The following BACE2 variants were observed in gnomAD, a reference collection of about 807,000 sequenced individuals.
The protein encoded by BACE2 is 56 kDa aspartic-like protease.
In BACE2, 17 loss-of-function variants were observed where a neutral mutation model predicts 46.2. The ratio of observed to expected loss-of-function variants is 0.37; its 90% confidence interval spans 0.25 to 0.55. The LOEUF is 0.55. Ranked by LOEUF, BACE2 falls within the 20% of genes least tolerant of loss-of-function variation. The pLI is 0.82. For synonymous variants in BACE2, 277 were observed against 295.9 expected, an observed-to-expected ratio of 0.94 and a Z score of 0.66; for missense variants, 595 against 698.1, an observed-to-expected ratio of 0.85 and a Z score of 1.66.
At chr21:41,266,927 T>C (rs1271645990) in intron 8 of BACE2, among the ~76,000 whole-genome samples, 1 of 149,572 alleles carries the variant, frequency 6.7e-6, no homozygotes, top group African/African-American at 2.5e-5. Flanking sequence ...CTTTGGAAGC[T>C]GCCCTTCTCT....
intron 3 of BACE2, among the ~76,000 whole-genome samples, chr21:41,240,569 A>C (rs556329694): frequency 4.6e-5 from 7 of 152,330 alleles, no homozygotes; most frequent in Non-Finnish European, 1.0e-4. Context: ...TCGGCTGGCA[A>C]GTGGCAGAGC....
At chr21:41,186,149 G>A (rs1046005354) in intron 1 of BACE2, 1 of 152,216 alleles carries the variant, frequency 6.6e-6, no homozygotes, top group South Asian at 2.1e-4. Flanking sequence ...AGGGTGCAAA[G>A]GGGACTCTCA....
intron 8 of BACE2, among the ~76,000 whole-genome samples, chr21:41,264,388 G>T (rs1042529442): frequency 3.3e-5 from 5 of 152,100 alleles, no homozygotes; most frequent in African/African-American, 1.2e-4. Context: ...TTCAAGACCA[G>T]CCTGGGCAAC....
At chr21:41,266,703 A>G (rs1160411032) in intron 8 of BACE2, among the ~76,000 whole-genome samples, 1 of 152,066 alleles carries the variant, frequency 6.6e-6, no homozygotes, top group Non-Finnish European at 1.5e-5. Context: ...AGGCATCTTG[A>G]CCCCAGTGCC....
chr21:41,214,357 C>G (rs1020211052), intron 1 of BACE2, among the ~76,000 whole-genome samples: 1 of 152,206 alleles, frequency 6.6e-6, no homozygotes, highest in African/African-American at 2.4e-5. Context: ...CAGGACATGT[C>G]TAGTTCCTAC....
chr21:41,180,984 C>T (rs1985101197), intron 1 of BACE2: 1 of 167,104 alleles, frequency 6.0e-6, no homozygotes, highest in African/African-American at 2.4e-5. Flanking sequence ...AGTTCTTTAG[C>T]GTTAACTCAT....
intron 1 of BACE2, among the ~76,000 whole-genome samples, chr21:41,202,384 G>A (rs1365019523): frequency 6.6e-6 from 1 of 152,196 alleles, no homozygotes; most frequent in Non-Finnish European, 1.5e-5. Flanking sequence ...GATGCCATGG[G>A]TCCTAGGCAG....
chr21:41,251,358 C>A (rs1035269888), intron 7 of BACE2, among the ~76,000 whole-genome samples: 2 of 152,162 alleles, frequency 1.3e-5, no homozygotes, highest in Non-Finnish European at 2.9e-5. Context: ...GCCCAGATTC[C>A]GAGGATGAGG....
intron 1 of BACE2, among the ~76,000 whole-genome samples, chr21:41,206,774 G>C (rs1986139693): frequency 6.6e-6 from 1 of 152,176 alleles, no homozygotes; most frequent in Non-Finnish European, 1.5e-5. Context: ...AAAGAACTAA[G>C]ATGGTAAATT....
At chr21:41,210,370 G>C (rs891243911) in intron 1 of BACE2, among the ~76,000 whole-genome samples, 2 of 152,088 alleles carry the variant, frequency 1.3e-5, no homozygotes, top group Non-Finnish European at 2.9e-5. Flanking sequence ...CAGTACTAAT[G>C]TTAAAATAGA....
intron 2 of BACE2, among the ~76,000 whole-genome samples, chr21:41,227,312 A>C (rs890928013): frequency 6.6e-6 from 1 of 152,172 alleles, no homozygotes; most frequent in South Asian, 2.1e-4. Flanking sequence ...CGGAACTGTC[A>C]CATTAGGTTT....
At chr21:41,222,291 G>A (rs996859332) in intron 1 of BACE2, among the ~76,000 whole-genome samples, 4 of 152,248 alleles carry the variant, frequency 2.6e-5, no homozygotes, top group Admixed American at 2.0e-4. Flanking sequence ...GGTGTTATGG[G>A]AGGGAAAGGG....
rs1416077050 is a variant in BACE2 at position 41,168,285 on chromosome 21, C to A, written c.22C>A (p.Leu8Met). ...GGGCATGGGCGCACTGGCCCGGGCG[C>A]TGCTGCTGCCTCTGCTGGCCCAGTG... Reference protein sequence around the residue: MGALARALLLPLLAQWLL... With the variant: MGALARAMLLPLLAQWLL... Residue 8 changes from leucine to methionine, a missense_variant, in exon 1 of 9, where the codon CTG (leucine) becomes ATG (methionine). Leu to Met is a conservative substitution (Grantham distance 15). Coordinates refer to ENST00000330333, the MANE Select transcript of BACE2 (RefSeq NM_012105.5). 14 of 1,257,638 alleles carry A rather than the reference C, an allele frequency of 1.1e-5. No individual in the cohort carries two copies. Among genetic ancestry groups the A allele is most frequent in the South Asian group, 2.7e-5 (1 of 37,010 alleles). 77.9% of individuals were successfully genotyped at this position (1,257,638 alleles called of 1,614,324 possible). A position where few individuals can be genotyped will look rare whatever the true frequency, so the allele number is the denominator to read the frequency against.
chr21:41,241,986 G>A, intron 4 of BACE2, 39 bp downstream of exon 4: 1 of 1,610,336 alleles, frequency 6.2e-7, no homozygotes, highest in Non-Finnish European at 8.5e-7. Context: ...AAAAATCACA[G>A]ATGGATGGGC....
chr21:41,231,442 C>T (rs1016737420), intron 2 of BACE2, among the ~76,000 whole-genome samples: 1 of 152,182 alleles, frequency 6.6e-6, no homozygotes, highest in African/African-American at 2.4e-5. Context: ...TTAGGAGACT[C>T]AGCATTCCCT....
chr21:41,258,901 T>C (rs761102361), intron 8 of BACE2, among the ~76,000 whole-genome samples: 44 of 152,358 alleles, frequency 2.9e-4, no homozygotes, highest in Non-Finnish European at 5.3e-4. Context: ...TGTTCAGTTA[T>C]CATTGAGTGA....
chr21:41,272,774 T>C (rs905457571), intron 8 of BACE2, among the ~76,000 whole-genome samples: 13 of 152,284 alleles, frequency 8.5e-5, no homozygotes, highest in African/African-American at 3.1e-4. Context: ...CTTACTAAGT[T>C]CCAATTGATT....
At chr21:41,242,075 C>T (rs1987310233) in intron 4 of BACE2, 128 bp downstream of exon 4, 4 of 1,249,512 alleles carry the variant, frequency 3.2e-6, no homozygotes, top group Non-Finnish European at 2.2e-6. Flanking sequence ...AAACTTTCAT[C>T]CTCCTTGTAG....
intron 8 of BACE2, among the ~76,000 whole-genome samples, chr21:41,269,046 C>A (rs2088407692): frequency 6.6e-6 from 1 of 152,042 alleles, no homozygotes; most frequent in East Asian, 1.9e-4. Flanking sequence ...TCTCTGCCTC[C>A]CGGGTTCAAG....
Sources: allele counts gnomAD v4.1 joint callset (sites outside exome capture counted in the v4.1 genomes callset), GRCh38; gene constraint gnomAD v4.1.1; transcripts MANE v1.5; gene names NCBI Gene and HGNC (gene_info 2026-07-23, HGNC 2026-07-21).